Variants in MSI2 observed in about 807,000 individuals in gnomAD.
MSI2 encodes the protein RNA-binding protein Musashi homolog 2.
MSI2 carries 17 observed loss-of-function variants against 45.6 expected under a neutral mutation model. That is an observed-to-expected ratio of 0.37 (90% CI 0.26 to 0.56). MSI2 has a LOEUF of 0.56. MSI2 is among the 20% of genes least tolerant of loss of function. The pLI, the probability that MSI2 is intolerant of heterozygous loss-of-function variation, is 0.77. For missense variants in MSI2, 293 were observed against 444.2 expected (o/e 0.66, Z 3.06); for synonymous variants, 156 against 158.2 (o/e 0.99, Z 0.11).
chr17:57,547,795 T>G (rs1161784433), intron 7 of MSI2, among the ~76,000 whole-genome samples: 1 of 139,694 alleles, frequency 7.2e-6, no homozygotes, highest in African/African-American at 2.5e-5. Context: ...CACACGTCTC[T>G]GGAGAATTAA....
At chr17:57,403,933 GCACACA>G (rs58718271) in intron 6 of MSI2, among the ~76,000 whole-genome samples, 25,932 of 149,076 alleles carry the variant, frequency 0.17, 2,700 homozygotes, top group African/African-American at 0.29. Context: ...GAATGAATGT[GCACACA>G]CACACACACA....
At chr17:57,257,314 C>T in intron 2 of MSI2, 152 bp from the exon 3 acceptor site, 1 of 576,042 alleles carries the variant, frequency 1.7e-6, no homozygotes, top group Non-Finnish European at 2.9e-6. Flanking sequence ...ACCTCTGTTG[C>T]CGAATTTCCC....
At chr17:57,503,865 G>A (rs1359215398) in intron 6 of MSI2, among the ~76,000 whole-genome samples, 1 of 152,084 alleles carries the variant, frequency 6.6e-6, no homozygotes, top group Admixed American at 6.6e-5. Flanking sequence ...CTGCCTCAGC[G>A]TCTCGAGTAG....
chr17:57,469,190 C>T (rs2085387677), intron 6 of MSI2, among the ~76,000 whole-genome samples: 1 of 152,198 alleles, frequency 6.6e-6, no homozygotes, highest in Non-Finnish European at 1.5e-5. Context: ...CAGAAGTCCT[C>T]GACTTCTGCC....
chr17:57,268,371 G>C (rs1350066839), intron 5 of MSI2: 1 of 152,180 alleles, frequency 6.6e-6, no homozygotes, highest in African/African-American at 2.4e-5. Context: ...GAGTGGGGTG[G>C]ACCATATCTA....
At chr17:57,419,688 C>G (rs1357033276) in intron 6 of MSI2, among the ~76,000 whole-genome samples, 1 of 152,142 alleles carries the variant, frequency 6.6e-6, no homozygotes, top group African/African-American at 2.4e-5. Flanking sequence ...GTACATTTCT[C>G]AACTAGCTGC....
intron 5 of MSI2, among the ~76,000 whole-genome samples, chr17:57,311,716 G>A (rs531227366): frequency 7.9e-5 from 12 of 151,346 alleles, no homozygotes; most frequent in African/African-American, 1.2e-4. Context: ...TGCTATGCCC[G>A]GTAATTTTTA....
intron 5 of MSI2, among the ~76,000 whole-genome samples, chr17:57,346,054 C>T (rs779207764): frequency 2.0e-5 from 3 of 152,146 alleles, no homozygotes; most frequent in Non-Finnish European, 4.4e-5. Context: ...ATGTTAGGTC[C>T]ATATCCTGCA....
intron 6 of MSI2, among the ~76,000 whole-genome samples, chr17:57,460,916 A>G (rs1443253932): frequency 3.3e-5 from 5 of 152,166 alleles, no homozygotes; most frequent in African/African-American, 1.2e-4. Flanking sequence ...GACGTGAGGC[A>G]GGAGCTGTGT....
chr17:57,372,699 T>C (rs1313993104), intron 5 of MSI2, among the ~76,000 whole-genome samples: 1 of 152,206 alleles, frequency 6.6e-6, no homozygotes, highest in Non-Finnish European at 1.5e-5. Context: ...GTGTTCCCCT[T>C]TCTAGAAGAA....
chr17:57,575,261 G>A (rs1483813333), intron 7 of MSI2, among the ~76,000 whole-genome samples: 1 of 151,244 alleles, frequency 6.6e-6, no homozygotes, highest in African/African-American at 2.4e-5. Context: ...GTGATTGGGA[G>A]ATCCAGGGTT....
intron 5 of MSI2, among the ~76,000 whole-genome samples, chr17:57,400,173 G>A (rs760684194): frequency 2.0e-5 from 3 of 151,848 alleles, no homozygotes; most frequent in Admixed American, 6.6e-5. Context: ...TCTTTAGAAC[G>A]AAATTTATTT....
At chr17:57,654,096 T>A (rs1911397028) in intron 11 of MSI2, among the ~76,000 whole-genome samples, 1 of 152,184 alleles carries the variant, frequency 6.6e-6, no homozygotes, top group Admixed American at 6.5e-5. Context: ...CACACCAGCC[T>A]GGGTTAGCGC....
chr17:57,323,018 G>A (rs190944105), intron 5 of MSI2, among the ~76,000 whole-genome samples: 3 of 152,020 alleles, frequency 2.0e-5, no homozygotes, highest in African/African-American at 7.3e-5. Context: ...GCATATTGGT[G>A]GGGGGAGAGG....
At chr17:57,498,209 G>A (rs574562290) in intron 6 of MSI2, among the ~76,000 whole-genome samples, 2 of 152,272 alleles carry the variant, frequency 1.3e-5, no homozygotes, top group East Asian at 1.9e-4. Flanking sequence ...AATAAACATG[G>A]TATTTTTCTT....
At chr17:57,321,483 G>A (rs929177333) in intron 5 of MSI2, among the ~76,000 whole-genome samples, 2 of 152,154 alleles carry the variant, frequency 1.3e-5, no homozygotes, top group Non-Finnish European at 2.9e-5. Flanking sequence ...TAATAGTTAT[G>A]GAAATGCCTC....
chr17:57,659,631 C>G (rs1911853617), intron 11 of MSI2, among the ~76,000 whole-genome samples: 1 of 152,214 alleles, frequency 6.6e-6, no homozygotes, highest in African/African-American at 2.4e-5. Context: ...ACCCAGGTCT[C>G]TGGCCTCCTT....
chr17:57,689,323 G>A (rs532691923), downstream of MSI2, among the ~76,000 whole-genome samples: 16 of 152,154 alleles, frequency 1.1e-4, no homozygotes, highest in Middle Eastern at 0.01. Flanking sequence ...TATGAACTGA[G>A]TTAATAGAAA....
chr17:57,484,652 C>G (rs1189081524), intron 6 of MSI2, among the ~76,000 whole-genome samples: 1 of 152,206 alleles, frequency 6.6e-6, no homozygotes, highest in Non-Finnish European at 1.5e-5. Context: ...TCTCAGAAAG[C>G]AGTTGTCTTC....
Sources: gnomAD v4.1 joint callset for allele counts (sites outside exome capture counted in the v4.1 genomes callset) on GRCh38, gnomAD v4.1.1 for gene constraint, MANE v1.5 for transcripts, NCBI Gene and HGNC (gene_info 2026-07-23, HGNC 2026-07-21) for gene names.